Variants in OXCT1 observed in about 807,000 individuals in gnomAD.
The protein encoded by OXCT1 is succinyl-CoA:3-ketoacid coenzyme A transferase 1, mitochondrial.
Under a neutral mutation model 69.6 loss-of-function variants are expected in OXCT1, and 27 were observed. The ratio of observed to expected loss-of-function variants is 0.39; its 90% confidence interval spans 0.29 to 0.54. The LOEUF (loss-of-function observed/expected upper bound fraction) is 0.54. OXCT1 is among the 20% of genes least tolerant of loss of function. The pLI is 0.72. For missense variants in OXCT1, 437 were observed against 650.2 expected, an observed-to-expected ratio of 0.67 and a Z score of 3.57; for synonymous variants, 202 against 217.8, an observed-to-expected ratio of 0.93 and a Z score of 0.64.
chr5:41,807,847 A>G (rs1197309136), intron 7 of OXCT1, among the ~76,000 whole-genome samples: 1 of 152,076 alleles, frequency 6.6e-6, no homozygotes, highest in African/African-American at 2.4e-5. Flanking sequence ...AAAGACAAAA[A>G]TCTGTAATAA....
At chr5:41,746,182 A>G (rs959677738) in intron 15 of OXCT1, among the ~76,000 whole-genome samples, 2 of 152,194 alleles carry the variant, frequency 1.3e-5, no homozygotes, top group African/African-American at 4.8e-5. Flanking sequence ...ATCCAGCAGC[A>G]CATCAAAAAG....
At chr5:41,861,268 A>T in intron 3 of OXCT1, 46 bp downstream of exon 3, 1 of 1,144,512 alleles carries the variant, frequency 8.7e-7, no homozygotes, top group Non-Finnish European at 1.3e-6. Context: ...AAATATTAAG[A>T]ATTGGCATTT....
chr5:41,738,798 T>A (rs1398703531), intron 16 of OXCT1, among the ~76,000 whole-genome samples: 1 of 152,228 alleles, frequency 6.6e-6, no homozygotes, highest in Admixed American at 6.5e-5. Flanking sequence ...AAAAAGGGAT[T>A]TGGAGGTTTC....
At chr5:41,734,484 C>T (rs905857908) in intron 16 of OXCT1, among the ~76,000 whole-genome samples, 4 of 152,194 alleles carry the variant, frequency 2.6e-5, no homozygotes, top group Non-Finnish European at 4.4e-5. Context: ...ACCACAATTA[C>T]TTTTGCATCA....
At chr5:41,773,556 C>G (rs1354099555) in intron 13 of OXCT1, among the ~76,000 whole-genome samples, 1 of 151,914 alleles carries the variant, frequency 6.6e-6, no homozygotes, top group African/African-American at 2.4e-5. Context: ...ATGACTGCAC[C>G]AACCAACGCA....
In OXCT1 at chr5:41,870,267, C is replaced by CA. The variant is rs1554020026; in HGVS notation, c.78+13_78+14insT. On this transcript the variant is annotated intron_variant, in intron 1 of 16. Transcript: ENST00000196371. This position sits in a 1 kb window ranked among gnomAD's most constrained non-coding sequence, Gnocchi z 4.2. The stretch of plus-strand genomic sequence containing the variant: ...TCTTCCTGCCCATGGCCTTCCTCTT[C>CA]CCCCGCACTTTACCTTGTACCAGGT... The CA allele has an allele frequency of 6.0e-5, 96 of 1,604,640 alleles. 2 individuals are homozygous for CA. In the South Asian group the frequency reaches 1.0e-3, roughly 17 times the overall value.
In OXCT1 at chr5:41,747,844, C is replaced by T. The variant is rs563196757; in HGVS notation, c.1419+1683G>A. Among the ~76,000 whole-genome samples, 18 of 152,188 alleles carry T rather than the reference C, an allele frequency of 1.2e-4. No individual in the cohort carries two copies. In the South Asian group the frequency reaches 3.7e-3, roughly 32 times the overall value. On this transcript the variant is annotated intron_variant, in intron 15 of 16. Coordinates refer to ENST00000196371, the MANE Select transcript of OXCT1 (RefSeq NM_000436.4). ...ATTTAATAACACCAAAAATCTTTCC[C>T]TGACACCTCTGCCCACACTGCTGGG...
intron 4 of OXCT1, among the ~76,000 whole-genome samples, 196 bp downstream of exon 4, chr5:41,853,223 T>A (rs988965158): frequency 6.6e-6 from 1 of 152,186 alleles, no homozygotes; most frequent in Non-Finnish European, 1.5e-5. Context: ...TTTAGAAATA[T>A]CTCTTTTTTC....
Position 41,840,434 on chromosome 5 carries a change from C to CA in OXCT1, c.732+16dup. On this transcript the variant is annotated intron_variant, in intron 7 of 16. Coordinates refer to ENST00000196371, the MANE Select transcript of OXCT1 (RefSeq NM_000436.4). ...AGTTAAATAATTAACACCAAGAATT[C>CA]AAAAATAACCTCTTACCTCTACCAC... 1 of 1,589,322 alleles carries CA rather than the reference C, an allele frequency of 6.3e-7. No individual in the cohort carries two copies. The highest frequency in any genetic ancestry group is 8.6e-7 in the Non-Finnish European group (1 of 1,157,914).
At chr5:41,869,015 A>G (rs1453867753) in intron 1 of OXCT1, among the ~76,000 whole-genome samples, 1 of 152,222 alleles carries the variant, frequency 6.6e-6, no homozygotes, top group Non-Finnish European at 1.5e-5. Context: ...CCTCGGCCCA[A>G]GGGTATCGCT....
At position 41,776,203 on chromosome 5, in the gene OXCT1, G is replaced by T. The variant is rs186989871; in HGVS notation, c.1249-14003C>A. On this transcript the variant is annotated intron_variant, in intron 13 of 16. Coordinates refer to ENST00000196371, the MANE Select transcript of OXCT1 (RefSeq NM_000436.4). ...ATCCAGATTGGGGGACATTCTATAT[G>T]ACATCCAGTTAATACTTCAAGACTG... is the stretch of plus-strand genomic sequence containing the variant. Among the ~76,000 whole-genome samples the T allele has an allele frequency of 3.9e-4, 59 of 152,220 alleles. No homozygotes were observed. The Middle Eastern group carries it at 0.01, about 26-fold the overall frequency.
intron 7 of OXCT1, among the ~76,000 whole-genome samples, chr5:41,811,898 G>A (rs1239165975): frequency 6.6e-6 from 1 of 152,010 alleles, no homozygotes; most frequent in Non-Finnish European, 1.5e-5. Context: ...GTGTGGTGAG[G>A]AATATTTAAA....
intron 13 of OXCT1, among the ~76,000 whole-genome samples, chr5:41,773,434 G>GA (rs1277639390): frequency 4.0e-5 from 6 of 149,838 alleles, no homozygotes; most frequent in African/African-American, 9.8e-5. Context: ...AAAGAAAAAA[G>GA]AAAAAAAAAT....
At chr5:41,812,212 T>G (rs1747016618) in intron 7 of OXCT1, among the ~76,000 whole-genome samples, 1 of 151,964 alleles carries the variant, frequency 6.6e-6, no homozygotes, top group African/African-American at 2.4e-5. Flanking sequence ...AAATTGGAAT[T>G]GGAAATAGAC....
At chr5:41,813,471 A>C (rs1187196726) in intron 7 of OXCT1, among the ~76,000 whole-genome samples, 1 of 152,082 alleles carries the variant, frequency 6.6e-6, no homozygotes, top group Non-Finnish European at 1.5e-5. Context: ...ATTCCATGGA[A>C]TTATTCCACA....
At chr5:41,810,189 T>C (rs1746899165) in intron 7 of OXCT1, among the ~76,000 whole-genome samples, 1 of 151,824 alleles carries the variant, frequency 6.6e-6, no homozygotes, top group African/African-American at 2.4e-5. Flanking sequence ...GAAGGAGCAA[T>C]GGGAGGATTA....
At chr5:41,852,273 T>C (rs1749210650) in intron 4 of OXCT1, among the ~76,000 whole-genome samples, 1 of 152,232 alleles carries the variant, frequency 6.6e-6, no homozygotes, top group Non-Finnish European at 1.5e-5. Context: ...CTATGGTATG[T>C]ACAGGTAACG....
intron 6 of OXCT1, 59 bp downstream of exon 6, chr5:41,842,616 C>A: frequency 1.7e-6 from 2 of 1,170,218 alleles, no homozygotes; most frequent in South Asian, 2.4e-5. Flanking sequence ...CAAATTCACT[C>A]TGATGTCCAT....
At chr5:41,763,497 T>C (rs1744446811) in intron 13 of OXCT1, among the ~76,000 whole-genome samples, 1 of 152,150 alleles carries the variant, frequency 6.6e-6, no homozygotes, top group African/African-American at 2.4e-5. Context: ...GGTCATAATA[T>C]TTCTGTAGAG....
Sources: gnomAD v4.1 joint callset for allele counts (sites outside exome capture counted in the v4.1 genomes callset) on GRCh38, gnomAD v4.1.1 for gene constraint, Gnocchi (gnomAD v3.1) non-coding constraint, MANE v1.5 for transcripts, NCBI Gene and HGNC (gene_info 2026-07-23, HGNC 2026-07-21) for gene names.